Variants in CALD1 observed in about 807,000 individuals in gnomAD.
CALD1 encodes the protein caldesmon.
Under a neutral mutation model 99.9 loss-of-function variants are expected in CALD1, and 33 were observed. That is an observed-to-expected ratio of 0.33 (90% CI 0.25 to 0.44). The LOEUF (loss-of-function observed/expected upper bound fraction) is 0.44, where lower values mean the gene tolerates loss of function less well. Ranked by LOEUF, CALD1 falls within the 20% of genes least tolerant of loss-of-function variation. The probability of loss-of-function intolerance (pLI) is 1.00; values close to 1 mark genes in which losing one functional copy is unlikely to be tolerated. For synonymous variants in CALD1, 310 were observed against 325.0 expected, an observed-to-expected ratio of 0.95 and a Z score of 0.50; for missense variants, 861 against 962.1, an observed-to-expected ratio of 0.89 and a Z score of 1.39.
At chr7:134,935,614 G>A (rs1221873626) in intron 5 of CALD1, 74 bp from the exon 6 acceptor site, 4 of 1,530,086 alleles carry the variant, frequency 2.6e-6, no homozygotes, top group African/African-American at 1.4e-5. Flanking sequence ...GGCGATCCGA[G>A]CACCCTGTCA....
At position 134,969,591 on chromosome 7, in the gene CALD1, C is replaced by G. The variant is rs1057293721; in HGVS notation, c.*1246C>G. 12 of 152,030 alleles carry G rather than the reference C, an allele frequency of 7.9e-5. No individual in the cohort carries two copies. Among genetic ancestry groups the G allele is most frequent in the African/African-American group, 2.4e-4 (10 of 41,396 alleles). 9.4% of individuals were successfully genotyped at this position (152,030 alleles called of 1,614,324 possible). A position where few individuals can be genotyped will look rare whatever the true frequency, so the allele number is the denominator to read the frequency against. On this transcript the variant is annotated 3_prime_UTR_variant, in exon 15 of 15. Transcript: ENST00000361675. Reference sequence around the variant, plus strand: ...CCAGTGTTGAGGAGTCATGACAGTACTTTGATCTTTATATACTCTGAAGCA... The same window carrying G: ...CCAGTGTTGAGGAGTCATGACAGTAGTTTGATCTTTATATACTCTGAAGCA...
rs1322260216 is a variant in CALD1, at chr7:134,895,752, T to C, written c.71+27948T>C. ...GGTTTGTAGGCCAAAGTGTTAAATA[T>C]AGTGAACTTCCAGTTTCTCTTCAAA... On this transcript the variant is annotated intron_variant, in intron 3 of 14. Transcript: ENST00000361675. Among the ~76,000 whole-genome samples the C allele has an allele frequency of 2.6e-5, 4 of 152,350 alleles. No individual in the cohort carries two copies. In the East Asian group the frequency reaches 5.8e-4, roughly 22 times the overall value.
At chr7:134,872,373 A>C (rs1369166073) in intron 3 of CALD1, among the ~76,000 whole-genome samples, 1 of 121,578 alleles carries the variant, frequency 8.2e-6, no homozygotes, top group Non-Finnish European at 1.7e-5. Context: ...AAAAAAAAAA[A>C]AAAAAAAAAC....
chr7:134,872,670 C>T (rs188403020), intron 3 of CALD1, among the ~76,000 whole-genome samples: 1 of 151,984 alleles, frequency 6.6e-6, no homozygotes, highest in East Asian at 1.9e-4. Flanking sequence ...TTAGAGCAAT[C>T]GTGACCAAAA....
intron 8 of CALD1, among the ~76,000 whole-genome samples, chr7:134,948,465 T>TA (rs1238743059): frequency 6.6e-6 from 1 of 152,186 alleles, no homozygotes; most frequent in African/African-American, 2.4e-5. Context: ...AACTACAACT[T>TA]ACAGTACTAC....
At chr7:134,725,833 C>T in the CALD1 span, among the ~76,000 whole-genome samples, 6 of 152,210 alleles carry the variant, frequency 3.9e-5, no homozygotes, top group Non-Finnish European at 5.9e-5. Flanking sequence ...ATTAGATGTA[C>T]GCAGAGGAGA....
chr7:134,919,063 G>T (rs1804429762), intron 3 of CALD1, among the ~76,000 whole-genome samples: 1 of 152,116 alleles, frequency 6.6e-6, no homozygotes, highest in Admixed American at 6.5e-5. Flanking sequence ...TCATTTGTAG[G>T]TACAATATAA....
intron 4 of CALD1, among the ~76,000 whole-genome samples, chr7:134,930,485 A>G (rs766735255): frequency 7.9e-5 from 12 of 152,158 alleles, no homozygotes; most frequent in Non-Finnish European, 1.5e-4. Flanking sequence ...TCTAAAGGGA[A>G]TGGGTCCTGG....
At chr7:134,840,324 T>A (rs1799602350) in intron 1 of CALD1, among the ~76,000 whole-genome samples, 1 of 152,174 alleles carries the variant, frequency 6.6e-6, no homozygotes, top group African/African-American at 2.4e-5. Context: ...TACCTTCTGG[T>A]TGTTTTGATA....
Position 134,783,363 on chromosome 7 carries a change from T to C in CALD1, c.-130+3614T>C, listed in dbSNP as rs1221969913. Among the ~76,000 whole-genome samples, 1 of 152,150 alleles carries C rather than the reference T, an allele frequency of 6.6e-6. No individual in the cohort carries two copies. The highest frequency in any genetic ancestry group is 2.4e-5 in the African/African-American group (1 of 41,426). ...GATAGGGAGCTTTCTTGATCCAACA[T>C]TGACAATTTGCAGGGGCCAGCTCTA... On this transcript the variant is annotated intron_variant, in intron 1 of 14. Transcript: ENST00000361675. This position sits in a 1 kb window ranked among gnomAD's most constrained non-coding sequence, Gnocchi z 4.3.
At chr7:134,945,714 ATAAT>A (rs1284776165) in intron 7 of CALD1, among the ~76,000 whole-genome samples, 2 of 152,264 alleles carry the variant, frequency 1.3e-5, no homozygotes, top group Non-Finnish European at 2.9e-5. Context: ...AGCTAATTTC[ATAAT>A]TTTAAGTCTG....
intron 6 of CALD1, among the ~76,000 whole-genome samples, chr7:134,937,550 GTTTC>G (rs1054585016): frequency 6.8e-6 from 1 of 147,454 alleles, no homozygotes; most frequent in African/African-American, 2.5e-5. Context: ...TAGTTGTGTT[GTTTC>G]TTTATGTAGA....
intron 2 of CALD1, 59 bp from the exon 3 acceptor site, chr7:134,867,634 C>A: frequency 1.6e-6 from 1 of 606,820 alleles, no homozygotes; most frequent in South Asian, 2.5e-5. Flanking sequence ...CCCATAGTAA[C>A]TCAGGAGAAG....
intron 1 of CALD1, among the ~76,000 whole-genome samples, chr7:134,840,927 G>A (rs1799625009): frequency 1.3e-5 from 2 of 152,078 alleles, no homozygotes; most frequent in Non-Finnish European, 2.9e-5. Context: ...TTCTCTTAGA[G>A]TTATAAAATG....
At chr7:134,848,195 G>T (rs755574730) in intron 2 of CALD1, among the ~76,000 whole-genome samples, 1 of 151,448 alleles carries the variant, frequency 6.6e-6, no homozygotes, top group African/African-American at 2.4e-5. Context: ...TTTAATAGAC[G>T]TTTCCTAGAG....
At chr7:134,901,830 T>G (rs930635424) in intron 3 of CALD1, among the ~76,000 whole-genome samples, 1 of 152,096 alleles carries the variant, frequency 6.6e-6, no homozygotes, top group Non-Finnish European at 1.5e-5. Flanking sequence ...TCCCTCTGTG[T>G]GTGTCTGTGT....
At chr7:134,946,057 G>A (rs1454030191) in intron 7 of CALD1, among the ~76,000 whole-genome samples, 1 of 152,112 alleles carries the variant, frequency 6.6e-6, no homozygotes, top group East Asian at 1.9e-4. Context: ...AAGTTAACCA[G>A]TAACTTACGG....
intron 3 of CALD1, among the ~76,000 whole-genome samples, chr7:134,881,834 A>T (rs1162729803): frequency 6.6e-6 from 1 of 152,194 alleles, no homozygotes; most frequent in Non-Finnish European, 1.5e-5. Context: ...GATTAGAAGA[A>T]CCAAAGCCAT....
chr7:134,765,179 G>A (rs549364737), intron 1 of CALD1, among the ~76,000 whole-genome samples: 2 of 152,186 alleles, frequency 1.3e-5, no homozygotes, highest in African/African-American at 4.8e-5. Context: ...GCCGAGTGTG[G>A]TGGTGCACGC....
Sources: allele counts gnomAD v4.1 joint callset (sites outside exome capture counted in the v4.1 genomes callset), GRCh38; gene constraint gnomAD v4.1.1; non-coding constraint Gnocchi (gnomAD v3.1); transcripts MANE v1.5; gene names NCBI Gene and HGNC (gene_info 2026-07-23, HGNC 2026-07-21).